Variants in ZNF845 observed in about 807,000 individuals in gnomAD.
ZNF845 encodes zinc finger protein 845.
In ZNF845, 59 loss-of-function variants were observed where a neutral mutation model predicts 76.1. That is an observed-to-expected ratio of 0.78 (90% CI 0.63 to 0.96). The LOEUF is 0.96. ZNF845 is among the 40% of genes least tolerant of loss of function. ZNF845 has a pLI of 0.00. For synonymous variants in ZNF845, 361 were observed against 386.9 expected, an observed-to-expected ratio of 0.93 and a Z score of 0.78; for missense variants, 1,045 against 1,172.8, an observed-to-expected ratio of 0.89 and a Z score of 1.59.
chr19:53,344,604 A>T (rs375891806), intron 2 of ZNF845, among the ~76,000 whole-genome samples: 3 of 126,940 alleles, frequency 2.4e-5, no homozygotes, highest in South Asian at 2.7e-4. Flanking sequence ...ATTTTATTTT[A>T]TTTATTTTAT....
rs1273378731 is a variant in ZNF845 at position 53,351,575 on chromosome 19, G to A, written c.900G>A (p.Lys300=). 5 of 1,613,700 alleles carry A rather than the reference G, an allele frequency of 3.1e-6. No homozygotes were observed. Among genetic ancestry groups the A allele is most frequent in the Non-Finnish European group, 3.4e-6 (4 of 1,179,948 alleles). Residue 300 remains lysine (K), a synonymous_variant, in exon 4 of 4, where the codon AAG becomes AAA. Coordinates refer to ENST00000458035, the MANE Select transcript of ZNF845 (RefSeq NM_138374.3). ...TTCATACTGGAGAGAAACATTACAA[G>A]TGCAGTGAGTGTGGCAAGACCTTCA... is the stretch of plus-strand genomic sequence containing the variant. ...HRLHTGEKHY[K]CSECGKTFSR... is the part of the protein sequence containing the mutation.
intron 1 of ZNF845, 118 bp from the exon 2 acceptor site, chr19:53,341,117 A>G (rs2085253562): frequency 1.0e-6 from 1 of 955,636 alleles, no homozygotes; most frequent in Admixed American, 2.7e-5. Context: ...TCCCTGGTAC[A>G]GTGGGCAGCA....
Position 53,356,356 on chromosome 19 carries a change from AG to A in ZNF845, c.*2772del, listed in dbSNP as rs1238341576. 1.3e-5 allele frequency: 2 copies of A among 152,036 alleles called. No homozygotes were observed. The highest frequency in any genetic ancestry group is 4.8e-5 in the African/African-American group (2 of 41,398). 9.4% of individuals were successfully genotyped at this position (152,036 alleles called of 1,614,324 possible). A position where few individuals can be genotyped will look rare whatever the true frequency, so the allele number is the denominator to read the frequency against. On this transcript the variant is annotated 3_prime_UTR_variant, in exon 4 of 4. Transcript: ENST00000458035. The stretch of plus-strand genomic sequence containing the variant: ...GATTCAAGACCAGCCTGGGCGACAT[AG>A]GGGACCTCTTCTCTGCTAAAAGTAA...
chr19:53,341,816 A>T (rs530408301), intron 2 of ZNF845, among the ~76,000 whole-genome samples: 1 of 152,318 alleles, frequency 6.6e-6, no homozygotes, highest in African/African-American at 2.4e-5. Context: ...TGACTCCAAA[A>T]ATCTTAGTAA....
chr19:53,350,163 G>T (rs1211759826), intron 3 of ZNF845, among the ~76,000 whole-genome samples: 5 of 38,562 alleles, frequency 1.3e-4, no homozygotes, highest in African/African-American at 4.5e-4. Context: ...TTTCGAGATG[G>T]ACTCTTGTCA....
intron 1 of ZNF845, among the ~76,000 whole-genome samples, chr19:53,335,243 GTAA>G (rs1191759595): frequency 2.0e-5 from 3 of 152,008 alleles, no homozygotes; most frequent in Admixed American, 1.3e-4. Flanking sequence ...CTGTTATTAT[GTAA>G]TAATTTTAAT....
chr19:53,346,039 T>C (rs182046823), intron 3 of ZNF845, among the ~76,000 whole-genome samples: 1 of 152,230 alleles, frequency 6.6e-6, no homozygotes, highest in Admixed American at 6.6e-5. Context: ...TTGTAGCATA[T>C]GTGTGTCCTT....
In ZNF845 at chr19:53,351,782, C is replaced by T. The variant is rs749192772; in HGVS notation, c.1107C>T (p.Asn369=). 98 of 1,613,656 alleles carry T rather than the reference C, an allele frequency of 6.1e-5. No homozygotes were observed. Among genetic ancestry groups the T allele is most frequent in the Non-Finnish European group, 8.2e-5 (97 of 1,179,940 alleles). Residue 369 remains asparagine (N), a synonymous_variant, in exon 4 of 4, where the codon AAC becomes AAT. Coordinates refer to ENST00000458035, the MANE Select transcript of ZNF845 (RefSeq NM_138374.3). ...ACAAAGCTTTCAGTTTCAAATCAAA[C>T]CTTGAAAGACATAGGAAAATTCATA... ...ECDKAFSFKS[N]LERHRKIHTG... is the part of the protein sequence containing the mutation.
chr19:53,343,693 A>G (rs1205926542), intron 2 of ZNF845, among the ~76,000 whole-genome samples: 1 of 152,116 alleles, frequency 6.6e-6, no homozygotes, highest in Non-Finnish European at 1.5e-5. Flanking sequence ...TATTTTTTGA[A>G]TATCTGGGGG....
intron 1 of ZNF845, among the ~76,000 whole-genome samples, chr19:53,340,276 T>G (rs2085247003): frequency 6.6e-6 from 1 of 152,222 alleles, no homozygotes; most frequent in Admixed American, 6.5e-5. Context: ...GGTTTCGAAC[T>G]TCTGACGTCA....
At position 53,345,527 on chromosome 19, in the gene ZNF845, G is replaced by A. The variant is rs764976631; in HGVS notation, c.37G>A (p.Val13Met). 2.5e-5 allele frequency: 40 copies of A among 1,613,456 alleles called. 1 individual carries two copies. The South Asian group carries it at 4.1e-4, about 16-fold the overall frequency. The change falls in exon 3 of 4, where the codon GTG becomes ATG. Residue 13 changes from valine (V) to methionine (M), a missense_variant. Transcript: ENST00000458035. The stretch of plus-strand genomic sequence containing the variant: ...TCAGGGTCTATTGACATTCAGGGAT[G>A]TGGCCATAGAATTCTCTCAGGAAGA... ...LSQGLLTFRD[V>M]AIEFSQEEWK...
At chr19:53,335,688 G>T (rs1473364165) in intron 1 of ZNF845, among the ~76,000 whole-genome samples, 1 of 151,906 alleles carries the variant, frequency 6.6e-6, no homozygotes, top group East Asian at 1.9e-4. Context: ...TGCAATTTCC[G>T]CTTCCCAGGT....
In ZNF845 at chr19:53,351,347, T is replaced by C. The variant is rs1440076541; in HGVS notation, c.672T>C (p.Phe224=). 1 of 1,614,228 alleles carries C rather than the reference T, an allele frequency of 6.2e-7. No homozygotes were observed. Among genetic ancestry groups the C allele is most frequent in the South Asian group, 1.1e-5 (1 of 91,086 alleles). Residue 224 remains phenylalanine (F), a synonymous_variant, in exon 4 of 4, where the codon TTT becomes TTC. Transcript: ENST00000458035. Reference sequence around the variant, plus strand: ...AATGTAATGAGAGTGGCAAAGCCTTTAATTATAGCTCAGTCTTAAGGAAAC... The same window carrying C: ...AATGTAATGAGAGTGGCAAAGCCTTCAATTATAGCTCAGTCTTAAGGAAAC... The part of the protein sequence containing the change: ...SFQCNESGKA[F]NYSSVLRKHQ...
chr19:53,346,523 A>C (rs1031740517), intron 3 of ZNF845: 7 of 261,154 alleles, frequency 2.7e-5, no homozygotes, highest in Non-Finnish European at 4.7e-5. Context: ...TCTACTAAAA[A>C]TACAAAAATT....
At chr19:53,349,422 A>C (rs1450895619) in intron 3 of ZNF845, among the ~76,000 whole-genome samples, 5 of 148,232 alleles carry the variant, frequency 3.4e-5, no homozygotes, top group African/African-American at 1.2e-4. Flanking sequence ...CCGCCATCAC[A>C]CCCGGCTAAT....
chr19:53,356,486 C>T lies in ZNF845; in HGVS notation c.*2898C>T, dbSNP rs1446545873. 6.6e-6 allele frequency: 1 copy of T among 152,242 alleles called. No individual in the cohort carries two copies. Among genetic ancestry groups the T allele is most frequent in the African/African-American group, 2.4e-5 (1 of 41,394 alleles). The allele number at this position is 152,242 out of a possible 1,614,324, so 9.4% of individuals were successfully genotyped here. A position where few individuals can be genotyped will look rare whatever the true frequency, so the allele number is the denominator to read the frequency against. On this transcript the variant is annotated 3_prime_UTR_variant, in exon 4 of 4. Transcript: ENST00000458035. ...CAGGGATTTTGAGGCTGAAGTGAGC[C>T]CTGATCTCACCACTGCACTCCAGCC...
At position 53,355,799 on chromosome 19, in the gene ZNF845, AT is replaced by A. The variant is rs1465586240; in HGVS notation, c.*2216del. On this transcript the variant is annotated 3_prime_UTR_variant, in exon 4 of 4. Transcript: ENST00000458035. The stretch of plus-strand genomic sequence containing the variant: ...TGGTCATTTCATGGATGATTTTTAT[AT>A]TTTTGAGGTAAAACTCTACCTATAT... 1 of 152,096 alleles carries A rather than the reference AT, an allele frequency of 6.6e-6. No individual in the cohort carries two copies. Among genetic ancestry groups the A allele is most frequent in the Non-Finnish European group, 1.5e-5 (1 of 68,008 alleles). The allele number at this position is 152,096 out of a possible 1,614,324, so 9.4% of individuals were successfully genotyped here. A position where few individuals can be genotyped will look rare whatever the true frequency, so the allele number is the denominator to read the frequency against.
In ZNF845 at chr19:53,356,313, G is replaced by A. The variant is rs2085385617; in HGVS notation, c.*2725G>A. On this transcript the variant is annotated 3_prime_UTR_variant, in exon 4 of 4. Transcript: ENST00000458035. ...AGCGGTTTTAGAGGCCCAGGCAGGT[G>A]GGTGACGTGAGCCTAGGGATTCAAG... 1 of 152,176 alleles carries A rather than the reference G, an allele frequency of 6.6e-6. No homozygotes were observed. The highest frequency in any genetic ancestry group is 1.5e-5 in the Non-Finnish European group (1 of 68,044). 9.4% of individuals were successfully genotyped at this position (152,176 alleles called of 1,614,324 possible).
chr19:53,342,667 G>A (rs924939582), intron 2 of ZNF845, among the ~76,000 whole-genome samples: 1 of 151,880 alleles, frequency 6.6e-6, no homozygotes, highest in Non-Finnish European at 1.5e-5. Context: ...AAAATTCTGC[G>A]GTAAATTTAA....
Sources: gnomAD v4.1 joint callset for allele counts (sites outside exome capture counted in the v4.1 genomes callset) on GRCh38, gnomAD v4.1.1 for gene constraint, MANE v1.5 for transcripts, NCBI Gene and HGNC (gene_info 2026-07-23, HGNC 2026-07-21) for gene names.